TBL1XR1: variants seen among roughly 807,000 people sequenced by gnomAD.
TBL1XR1 encodes TBL1X/Y related 1.
TBL1XR1 carries 5 observed loss-of-function variants against 66.9 expected under a neutral mutation model. The observed-to-expected ratio is 0.07, with a 90% CI of 0.04 to 0.16. The LOEUF (loss-of-function observed/expected upper bound fraction) is 0.16. Ranked by LOEUF, TBL1XR1 falls within the 10% of genes least tolerant of loss-of-function variation. The probability of loss-of-function intolerance (pLI) is 1.00; values close to 1 mark genes in which losing one functional copy is unlikely to be tolerated. For synonymous variants in TBL1XR1, 210 were observed against 206.0 expected, an observed-to-expected ratio of 1.02 and a Z score of -0.17; for missense variants, 238 against 623.2, an observed-to-expected ratio of 0.38 and a Z score of 6.58.
At chr3:177,095,077 G>A (rs991029516) in intron 2 of TBL1XR1, among the ~76,000 whole-genome samples, 2 of 151,144 alleles carry the variant, frequency 1.3e-5, no homozygotes, top group Admixed American at 1.3e-4. Flanking sequence ...CTACAATACA[G>A]ATGAATCATC....
chr3:177,193,174 A>T (rs1017062248), intron 1 of TBL1XR1, among the ~76,000 whole-genome samples: 4 of 152,014 alleles, frequency 2.6e-5, no homozygotes, highest in Non-Finnish European at 5.9e-5. Context: ...ATAAAATAAA[A>T]TTTTAAAAAA....
At position 177,166,428 on chromosome 3, in the gene TBL1XR1, T is replaced by C. The variant is rs753876173; in HGVS notation, c.-122+30693A>G. ...ACATCATATACTGATATGGTTTGGC[T>C]TTGTGTTCCCATTCAAATCTCATCT... On this transcript the variant is annotated intron_variant, in intron 1 of 15. Transcript: ENST00000457928. Among the ~76,000 whole-genome samples the C allele has an allele frequency of 5.9e-5, 9 of 152,166 alleles. No individual in the cohort carries two copies. In the South Asian group the frequency reaches 6.2e-4, roughly 11 times the overall value.
intron 1 of TBL1XR1, among the ~76,000 whole-genome samples, chr3:177,147,524 T>G (rs1730398226): frequency 6.6e-6 from 1 of 152,212 alleles, no homozygotes; most frequent in South Asian, 2.1e-4. Flanking sequence ...AGTTTTACTC[T>G]GAAAGGGTCT....
chr3:177,071,090 G>A (rs916799484), intron 2 of TBL1XR1, among the ~76,000 whole-genome samples: 1 of 138,028 alleles, frequency 7.2e-6, no homozygotes, highest in African/African-American at 2.7e-5. Context: ...GAGTGTGGTG[G>A]TGCGATCTCG....
intron 1 of TBL1XR1, among the ~76,000 whole-genome samples, chr3:177,188,419 T>C (rs1735706064): frequency 6.6e-6 from 1 of 151,818 alleles, no homozygotes; most frequent in African/African-American, 2.4e-5. Flanking sequence ...TGGTGGCACA[T>C]GCCTGTAATC....
At chr3:177,032,793 T>C (rs771469601) in intron 14 of TBL1XR1, 178 bp downstream of exon 14, 56 of 457,932 alleles carry the variant, frequency 1.2e-4, no homozygotes, top group Non-Finnish European at 1.9e-4. Context: ...TCAAAATCCA[T>C]TTCAAAATTC....
At chr3:177,095,699 C>T (rs1723391918) in intron 2 of TBL1XR1, among the ~76,000 whole-genome samples, 1 of 151,980 alleles carries the variant, frequency 6.6e-6, no homozygotes, top group Admixed American at 6.6e-5. Flanking sequence ...AGGCTGGTCT[C>T]GAATTCCTGA....
intron 1 of TBL1XR1, among the ~76,000 whole-genome samples, chr3:177,112,883 G>C (rs1044008654): frequency 1.3e-5 from 2 of 151,950 alleles, no homozygotes; most frequent in African/African-American, 4.8e-5. Context: ...TGTGCCTGGA[G>C]TCGCAGCTAC....
chr3:177,026,326 G>A (rs1713120178), intron 15 of TBL1XR1, 47 bp downstream of exon 15: 3 of 1,433,336 alleles, frequency 2.1e-6, no homozygotes, highest in Non-Finnish European at 2.0e-6. Context: ...GCATTCTGAT[G>A]TGAATACCCA....
At chr3:177,198,699 T>C (rs1003726616), upstream of TBL1XR1, among the ~76,000 whole-genome samples, 8 of 152,210 alleles carry the variant, frequency 5.3e-5, no homozygotes, top group East Asian at 1.5e-3. Flanking sequence ...TGAAACCTTT[T>C]TGTTATTTCG....
At chr3:177,177,403 T>C (rs902923095) in intron 1 of TBL1XR1, among the ~76,000 whole-genome samples, 19 of 152,136 alleles carry the variant, frequency 1.2e-4, no homozygotes, top group African/African-American at 3.1e-4. Context: ...TGAACCGAGA[T>C]TGCGCCACTG....
At chr3:177,075,973 C>CA (rs1410283530) in intron 2 of TBL1XR1, among the ~76,000 whole-genome samples, 6 of 151,952 alleles carry the variant, frequency 3.9e-5, no homozygotes, top group Non-Finnish European at 5.9e-5. Context: ...GGAAAAAAAA[C>CA]AAAAAAACAA....
rs1238468368 is a variant in TBL1XR1 at position 177,161,644 on chromosome 3, C to G, written c.-122+35477G>C. ...CAAAAAAATATAAAAATTAGCCAGG[C>G]ATGATGGTGGATGCCTATAATCCCA... On this transcript the variant is annotated intron_variant, in intron 1 of 15. Transcript: ENST00000457928. 3.3e-5 allele frequency among the ~76,000 whole-genome samples: 5 copies of G among 152,000 alleles called. No individual in the cohort carries two copies. The East Asian group carries it at 9.6e-4, about 29-fold the overall frequency.
chr3:177,038,286 C>T (rs1715094477), intron 11 of TBL1XR1, 27 bp downstream of exon 11: 8 of 1,593,418 alleles, frequency 5.0e-6, no homozygotes, highest in Non-Finnish European at 6.0e-6. Context: ...ATCATGACCA[C>T]TTTAATGTGG....
chr3:177,088,753 G>A (rs1722468252), intron 2 of TBL1XR1, among the ~76,000 whole-genome samples: 1 of 151,904 alleles, frequency 6.6e-6, no homozygotes, highest in African/African-American at 2.4e-5. Context: ...ACTAAGAGGT[G>A]TTCAATGTAA....
chr3:177,071,461 A>G (rs749153180), intron 2 of TBL1XR1, among the ~76,000 whole-genome samples: 1 of 152,192 alleles, frequency 6.6e-6, no homozygotes, highest in Non-Finnish European at 1.5e-5. Flanking sequence ...AACTCAGACT[A>G]GTAAGTAAAT....
chr3:177,083,277 GCA>G (rs1372720856), intron 2 of TBL1XR1, among the ~76,000 whole-genome samples: 6 of 151,858 alleles, frequency 4.0e-5, no homozygotes, highest in African/African-American at 1.2e-4. Context: ...TTGAATCTGA[GCA>G]CAGTCTAATT....
Position 177,047,344 on chromosome 3 carries a change from AT to A in TBL1XR1, c.819del (p.Lys273AsnfsTer10). The A allele has an allele frequency of 6.4e-7, 1 of 1,570,084 alleles. No individual in the cohort carries two copies. Among genetic ancestry groups the A allele is most frequent in the Admixed American group, 1.8e-5 (1 of 54,074 alleles). On this transcript the variant is annotated frameshift_variant, in exon 9 of 16. Transcript: ENST00000457928. LOFTEE classifies it high-confidence loss of function. ...GQHKGPIFALKWNKKGNFILS... is the reference protein window; with the variant it reads ...GQHKGPIFALXWNKKGNFILS... ...AGGATGAAATTTCCTTTCTTATTCC[AT>A]TTTAATGCAAATATAGGGCCTTTAT...
intron 3 of TBL1XR1, 73 bp from the exon 4 acceptor site, chr3:177,053,991 TCAC>T: frequency 6.8e-7 from 1 of 1,465,236 alleles, no homozygotes; most frequent in Non-Finnish European, 9.3e-7. Flanking sequence ...GAAAGAAAGA[TCAC>T]CATCATCTTT....
Sources: allele counts gnomAD v4.1 joint callset (sites outside exome capture counted in the v4.1 genomes callset), GRCh38; gene constraint gnomAD v4.1.1; transcripts MANE v1.5; gene names NCBI Gene and HGNC (gene_info 2026-07-23, HGNC 2026-07-21).